The following ARHGEF26 variants were observed in gnomAD, a reference collection of about 807,000 sequenced individuals.
The protein encoded by ARHGEF26 is Rho guanine nucleotide exchange factor (GEF) 26.
ARHGEF26 carries 59 observed loss-of-function variants against 89.4 expected under a neutral mutation model. That is an observed-to-expected ratio of 0.66 (90% CI 0.54 to 0.82). The LOEUF is 0.82. Ranked by LOEUF, ARHGEF26 falls within the 40% of genes least tolerant of loss-of-function variation. The pLI, the probability that ARHGEF26 is intolerant of heterozygous loss-of-function variation, is 0.00. For synonymous variants in ARHGEF26, 500 were observed against 428.4 expected, an observed-to-expected ratio of 1.17 and a Z score of -2.06; for missense variants, 1,234 against 1,085.6, an observed-to-expected ratio of 1.14 and a Z score of -1.92.
At chr3:154,148,137 G>A (rs1474680770) in intron 4 of ARHGEF26, among the ~76,000 whole-genome samples, 1 of 152,208 alleles carries the variant, frequency 6.6e-6, no homozygotes, top group African/African-American at 2.4e-5. Flanking sequence ...GGCCGTGGAA[G>A]GACAGAGACA....
In ARHGEF26 at chr3:154,122,011, G is replaced by T; in HGVS notation, c.19G>T (p.Val7Leu). 1 of 1,594,782 alleles carries T rather than the reference G, an allele frequency of 6.3e-7. No individual in the cohort carries two copies. Among genetic ancestry groups the T allele is most frequent in the Non-Finnish European group, 8.6e-7 (1 of 1,164,644 alleles). ...CCCGGCTATGGACGGCGAGAGCGAG[G>T]TGGATTTTTCTAGCAACAGCATAAC... is the stretch of plus-strand genomic sequence containing the variant. The part of the protein sequence containing the change: MDGESE[V>L]DFSSNSITPL... The change falls in exon 2 of 15, where the codon GTG (valine) becomes TTG (leucine). Residue 7 changes from valine (V) to leucine (L), a missense_variant. Physicochemically the swap from Val to Leu is conservative, Grantham distance 32. Coordinates refer to ENST00000465093, the MANE Select transcript of ARHGEF26 (RefSeq NM_015595.4).
intron 9 of ARHGEF26, among the ~76,000 whole-genome samples, chr3:154,200,018 CCTTTGTTGACTCTATA>C (rs1220729813): frequency 1.3e-5 from 2 of 151,972 alleles, no homozygotes; most frequent in East Asian, 3.9e-4. Context: ...TTGTCTCTTC[CCTTTGTTGACTCTATA>C]CTTTGCTCTG....
chr3:154,224,119 G>T (rs761767310), intron 10 of ARHGEF26, among the ~76,000 whole-genome samples: 1 of 151,978 alleles, frequency 6.6e-6, no homozygotes, highest in African/African-American at 2.4e-5. Flanking sequence ...TCTAGTCTCA[G>T]CATTTCCTTA....
chr3:154,253,030 G>A, intron 12 of ARHGEF26, 86 bp from the exon 13 acceptor site: 2 of 1,424,040 alleles, frequency 1.4e-6, no homozygotes, highest in Non-Finnish European at 2.0e-6. Flanking sequence ...TTTTCTGGGA[G>A]TGCCTTTGCA....
At chr3:154,197,165 T>G (rs1270129858) in intron 9 of ARHGEF26, among the ~76,000 whole-genome samples, 1 of 152,152 alleles carries the variant, frequency 6.6e-6, no homozygotes, top group Non-Finnish European at 1.5e-5. Context: ...GTGACTTGCT[T>G]TCTCTGAAGG....
chr3:154,133,256 G>A (rs1285566071), intron 4 of ARHGEF26, among the ~76,000 whole-genome samples: 1 of 152,144 alleles, frequency 6.6e-6, no homozygotes, highest in Non-Finnish European at 1.5e-5. Context: ...GGGTAAGGCA[G>A]TGTTCAGCTA....
At chr3:154,205,634 A>G (rs1714970235) in intron 9 of ARHGEF26, among the ~76,000 whole-genome samples, 1 of 151,924 alleles carries the variant, frequency 6.6e-6, no homozygotes, top group Non-Finnish European at 1.5e-5. Context: ...ATTTCATCTG[A>G]TTTAGTTTTT....
chr3:154,134,183 TCTTTCTTTCTTC>T (rs1261693892), intron 4 of ARHGEF26, among the ~76,000 whole-genome samples: 2 of 152,178 alleles, frequency 1.3e-5, no homozygotes, highest in African/African-American at 4.8e-5. Context: ...GAATACCCTT[TCTTTCTTTCTTC>T]CTTTCTTTCT....
At chr3:154,179,099 T>C (rs1339252590) in intron 6 of ARHGEF26, among the ~76,000 whole-genome samples, 1 of 152,230 alleles carries the variant, frequency 6.6e-6, no homozygotes, top group Non-Finnish European at 1.5e-5. Context: ...TGTTTCATTA[T>C]ACAAGTCAGT....
chr3:154,141,066 G>A (rs1247430683), intron 4 of ARHGEF26, among the ~76,000 whole-genome samples: 1 of 151,324 alleles, frequency 6.6e-6, no homozygotes, highest in Admixed American at 6.6e-5. Flanking sequence ...GGTTCACGCA[G>A]TTCTCCTGCC....
intron 10 of ARHGEF26, among the ~76,000 whole-genome samples, chr3:154,222,421 A>G (rs1181745917): frequency 1.3e-5 from 2 of 152,222 alleles, no homozygotes; most frequent in African/African-American, 4.8e-5. Context: ...GACCTGCCTG[A>G]GTTGCAGTAG....
intron 6 of ARHGEF26, among the ~76,000 whole-genome samples, chr3:154,154,606 T>G (rs1559865788): frequency 6.6e-6 from 1 of 152,052 alleles, no homozygotes; most frequent in Admixed American, 6.6e-5. Flanking sequence ...TTTATCTTTG[T>G]TTTTTAAAAT....
At chr3:154,167,967 A>G (rs1445885750) in intron 6 of ARHGEF26, among the ~76,000 whole-genome samples, 1 of 152,222 alleles carries the variant, frequency 6.6e-6, no homozygotes, top group Non-Finnish European at 1.5e-5. Flanking sequence ...AAATTGTACA[A>G]CCTATCAACT....
chr3:154,226,695 A>ACACACACC (rs1553750133), intron 11 of ARHGEF26, among the ~76,000 whole-genome samples: 3 of 125,966 alleles, frequency 2.4e-5, no homozygotes, highest in African/African-American at 2.9e-5. Flanking sequence ...ACACACACAC[A>ACACACACC]CCCCTTCAGC....
intron 5 of ARHGEF26, among the ~76,000 whole-genome samples, chr3:154,151,064 G>A (rs1301107977): frequency 6.6e-6 from 1 of 152,164 alleles, no homozygotes. Context: ...GTAATCAGAA[G>A]TAAGGAGTGA....
intron 4 of ARHGEF26, among the ~76,000 whole-genome samples, chr3:154,138,916 C>T (rs564936210): frequency 7.4e-4 from 113 of 152,324 alleles, no homozygotes; most frequent in Non-Finnish European, 1.3e-3. Flanking sequence ...ATCAAATCAT[C>T]CCATAGATAA....
rs569014212 is a variant in ARHGEF26 at position 154,172,780 on chromosome 3, C to T, written c.1488-14905C>T. 7.2e-5 allele frequency among the ~76,000 whole-genome samples: 11 copies of T among 152,286 alleles called. 1 individual carries two copies. In the South Asian group the frequency reaches 2.3e-3, roughly 32 times the overall value. ...ATTCTAAGGGGAACATGTTCATCCT[C>T]AATATGTTTCTTCTTATAAAATAAA... On this transcript the variant is annotated intron_variant, in intron 6 of 14. Coordinates refer to ENST00000465093, the MANE Select transcript of ARHGEF26 (RefSeq NM_015595.4).
chr3:154,180,425 A>G (rs986946011), intron 6 of ARHGEF26, among the ~76,000 whole-genome samples: 4 of 151,544 alleles, frequency 2.6e-5, no homozygotes, highest in Non-Finnish European at 4.4e-5. Context: ...CTTCCTCACA[A>G]TGATTACGCT....
rs113788285 is a variant in ARHGEF26, at chr3:154,205,391, T to C, written c.1845+10673T>C. Among the ~76,000 whole-genome samples, 213 of 152,214 alleles carry C rather than the reference T, an allele frequency of 1.4e-3. 2 individuals carry two copies. The highest frequency in any genetic ancestry group is 4.9e-3 in the African/African-American group (203 of 41,542). ...TTCTCCATCCTTTGTTTTTAGCCTA[T>C]GTGTGTCTTTATAGGTAAAGTGTGT... On this transcript the variant is annotated intron_variant, in intron 9 of 14. Transcript: ENST00000465093.
Sources: allele counts gnomAD v4.1 joint callset (sites outside exome capture counted in the v4.1 genomes callset), GRCh38; gene constraint gnomAD v4.1.1; transcripts MANE v1.5; gene names NCBI Gene and HGNC (gene_info 2026-07-23, HGNC 2026-07-21).